The following OPA3 variants were observed in gnomAD, a reference collection of about 807,000 sequenced individuals.
The protein encoded by OPA3 is optic atrophy 3 protein.
Under a neutral mutation model 4.0 loss-of-function variants are expected in OPA3, and 6 were observed. The ratio of observed to expected loss-of-function variants is 1.51; its 90% CI spans 0.83 to 2.99. OPA3 has a LOEUF of 2.99. Among genes scored for constraint, OPA3 ranks in the 30% most tolerant of loss-of-function variants. OPA3 has a pLI of 0.00. For synonymous variants in OPA3, 105 were observed against 117.1 expected (o/e 0.90, Z 0.67); for missense variants, 235 against 256.2 (o/e 0.92, Z 0.56).
At chr19:45,572,580 T>C (rs1328271247) in intron 1 of OPA3, among the ~76,000 whole-genome samples, 1 of 135,804 alleles carries the variant, frequency 7.4e-6, no homozygotes, top group Non-Finnish European at 1.5e-5. Context: ...ATGATATATG[T>C]ATATAAATAT....
In OPA3 at chr19:45,552,536, T is replaced by A. The variant is rs984040807; in HGVS notation, c.*978A>T. On this transcript the variant is annotated 3_prime_UTR_variant, in exon 2 of 2. Transcript: ENST00000263275. Reference sequence around the variant, plus strand: ...ACCGTGCCCAGCCAGGATTTTTTTTTTTTTTTTGAGACACAGTCTTGCTCT... The same window carrying A: ...ACCGTGCCCAGCCAGGATTTTTTTTATTTTTTTGAGACACAGTCTTGCTCT... 2 of 151,332 alleles carry A rather than the reference T, an allele frequency of 1.3e-5. No homozygotes were observed. Among genetic ancestry groups the A allele is most frequent in the African/African-American group, 4.9e-5 (2 of 41,070 alleles). 9.4% of individuals were successfully genotyped at this position (151,332 alleles called of 1,614,324 possible).
At chr19:45,569,396 T>C (rs563136594) in intron 1 of OPA3, among the ~76,000 whole-genome samples, 1 of 152,082 alleles carries the variant, frequency 6.6e-6, no homozygotes, top group East Asian at 1.9e-4. Context: ...GAGGCAGAGG[T>C]TGTAGTGAGC....
chr19:45,556,106 T>G (rs11673516), intron 1 of OPA3, among the ~76,000 whole-genome samples: 51,764 of 151,966 alleles, frequency 0.34, 9,717 homozygotes, highest in Non-Finnish European at 0.42. Context: ...AAGAAAAGTT[T>G]TACTTGTCAA....
Position 45,550,965 on chromosome 19 carries a change from G to C in OPA3, c.*2549C>G. 3 of 985,438 alleles carry C rather than the reference G, an allele frequency of 3.0e-6. No individual in the cohort carries two copies. Among genetic ancestry groups the C allele is most frequent in the Non-Finnish European group, 3.6e-6 (3 of 830,012 alleles). The allele number at this position is 985,438 out of a possible 1,614,324, so 61.0% of individuals were successfully genotyped here. A position where few individuals can be genotyped will look rare whatever the true frequency, so the allele number is the denominator to read the frequency against. ...CCCGCGGGGTTGGCAGGAGTCCCAGGGTACTTTTTTTCTGAGAAAGGGTCT... is the reference window on the plus strand; with the variant it reads ...CCCGCGGGGTTGGCAGGAGTCCCAGCGTACTTTTTTTCTGAGAAAGGGTCT... On this transcript the variant is annotated 3_prime_UTR_variant, in exon 2 of 2. Coordinates refer to ENST00000263275, the MANE Select transcript of OPA3 (RefSeq NM_025136.4).
intron 1 of OPA3, among the ~76,000 whole-genome samples, chr19:45,570,082 C>A (rs576548656): frequency 3.3e-5 from 5 of 152,210 alleles, no homozygotes; most frequent in African/African-American, 1.2e-4. Flanking sequence ...CAGGCTGACA[C>A]GGGCGCCCTC....
Position 45,553,283 on chromosome 19 carries a change from G to T in OPA3, c.*231C>A. The T allele has an allele frequency of 7.0e-7, 1 of 1,432,150 alleles. No homozygotes were observed. The highest frequency in any genetic ancestry group is 9.1e-7 in the Non-Finnish European group (1 of 1,096,440). The allele number at this position is 1,432,150 out of a possible 1,614,324, so 88.7% of individuals were successfully genotyped here. A position where few individuals can be genotyped will look rare whatever the true frequency, so the allele number is the denominator to read the frequency against. ...GGGACCTTGCAGGTCGTCCTGGTTT[G>T]GAGTGGGGGATAGGAGGTGAAGGAT... On this transcript the variant is annotated 3_prime_UTR_variant, in exon 2 of 2. Transcript: ENST00000263275.
chr19:45,565,492 T>C (rs2122475412), intron 1 of OPA3, among the ~76,000 whole-genome samples: 1 of 151,908 alleles, frequency 6.6e-6, no homozygotes, highest in East Asian at 2.0e-4. Context: ...TAGCCGGGCA[T>C]GGTGGCATGA....
chr19:45,535,573 G>C (rs902311009), intron 1 of OPA3, among the ~76,000 whole-genome samples: 1 of 151,586 alleles, frequency 6.6e-6, no homozygotes, highest in African/African-American at 2.4e-5. Context: ...TGTTCAGGCT[G>C]GTCTCGAACT....
At position 45,551,039 on chromosome 19, in the gene OPA3, C is replaced by A; in HGVS notation, c.*2475G>T. Reference sequence around the variant, plus strand: ...GTAGTGGCGCGATCACGGCTCGCTGCAGCCTCGACCTCCAGGGCTCAGGTG... The same window carrying A: ...GTAGTGGCGCGATCACGGCTCGCTGAAGCCTCGACCTCCAGGGCTCAGGTG... On this transcript the variant is annotated 3_prime_UTR_variant, in exon 2 of 2. Transcript: ENST00000263275. 2.6e-6 allele frequency: 2 copies of A among 775,776 alleles called. No homozygotes were observed. The highest frequency in any genetic ancestry group is 3.1e-6 in the Non-Finnish European group (2 of 638,636). The allele number at this position is 775,776 out of a possible 1,614,324, so 48.1% of individuals were successfully genotyped here. A position where few individuals can be genotyped will look rare whatever the true frequency, so the allele number is the denominator to read the frequency against.
intron 1 of OPA3, 106 bp downstream of exon 1, chr19:45,584,517 C>T: frequency 6.3e-6 from 10 of 1,597,520 alleles, no homozygotes; most frequent in East Asian, 2.2e-5. Flanking sequence ...TGGACTTTGC[C>T]GGTTCGGGCT....
intron 1 of OPA3, among the ~76,000 whole-genome samples, chr19:45,574,426 C>T (rs79034177): frequency 6.8e-6 from 1 of 146,256 alleles, no homozygotes; most frequent in Non-Finnish European, 1.5e-5. Context: ...AAAAAAAAAA[C>T]GGATTCCATG....
intron 1 of OPA3, among the ~76,000 whole-genome samples, chr19:45,554,657 A>G (rs1396387581): frequency 6.6e-6 from 1 of 152,202 alleles, no homozygotes. Context: ...CTCCTGCAAC[A>G]ATTAATATTC....
At chr19:45,539,416 AC>A (rs1969157890) in intron 1 of OPA3, among the ~76,000 whole-genome samples, 1 of 151,948 alleles carries the variant, frequency 6.6e-6, no homozygotes, top group African/African-American at 2.4e-5. Flanking sequence ...ACATGGCGAA[AC>A]CCCTTCTCTA....
chr19:45,528,682 G>A (rs1180230514), exon 2 of OPA3: 1 of 236,008 alleles, frequency 4.2e-6, no homozygotes, highest in African/African-American at 2.3e-5. Flanking sequence ...CTAAATCCGG[G>A]TGCAGAATTT....
At chr19:45,578,329 G>A (rs141733722) in intron 1 of OPA3, among the ~76,000 whole-genome samples, 1 of 152,234 alleles carries the variant, frequency 6.6e-6, no homozygotes, top group African/African-American at 2.4e-5. Flanking sequence ...GAGATATTCT[G>A]CAGACTCTGC....
At chr19:45,545,210 G>A (rs183132852), downstream of OPA3, among the ~76,000 whole-genome samples, 371 of 146,146 alleles carry the variant, frequency 2.5e-3, no homozygotes, top group African/African-American at 8.7e-3. Flanking sequence ...ATCAAGACAA[G>A]GCAGGATAGG....
intron 1 of OPA3, among the ~76,000 whole-genome samples, chr19:45,531,432 G>T (rs1344949476): frequency 6.6e-6 from 1 of 152,148 alleles, no homozygotes; most frequent in Non-Finnish European, 1.5e-5. Flanking sequence ...AGATCATCCA[G>T]ATGTTTGCTC....
At position 45,553,522 on chromosome 19, in the gene OPA3, T is replaced by C. The variant is rs767372876; in HGVS notation, c.532A>G (p.Lys178Glu). ...RSASHAVPAS[K>E]K ...TTCCATCCAGCAAGCTCCTATTTCT[T>C]GGACGCAGGCACTGCGTGGGAAGCG... Residue 178 changes from lysine (K) to glutamate (E), a missense_variant, in exon 2 of 2, where the codon AAG (lysine) becomes GAG (glutamate). By Grantham distance (56) the Lys-to-Glu change is moderately conservative. Coordinates refer to ENST00000263275, the MANE Select transcript of OPA3 (RefSeq NM_025136.4). 2 of 1,613,258 alleles carry C rather than the reference T, an allele frequency of 1.2e-6. No homozygotes were observed. Among genetic ancestry groups the C allele is most frequent in the East Asian group, 2.2e-5 (1 of 44,872 alleles).
At chr19:45,566,893 C>G (rs1198779796) in intron 1 of OPA3, among the ~76,000 whole-genome samples, 1 of 152,124 alleles carries the variant, frequency 6.6e-6, no homozygotes, top group Non-Finnish European at 1.5e-5. Flanking sequence ...CATATAAAGG[C>G]TTGTACACAA....
Sources: gnomAD v4.1 joint callset for allele counts (sites outside exome capture counted in the v4.1 genomes callset) on GRCh38, gnomAD v4.1.1 for gene constraint, MANE v1.5 for transcripts, NCBI Gene and HGNC (gene_info 2026-07-23, HGNC 2026-07-21) for gene names.